The following LMNTD2 variants were observed in gnomAD, a reference collection of about 807,000 sequenced individuals.
LMNTD2 encodes the protein lamin tail domain containing 2, also known as lamin tail domain-containing protein 2.
Under a neutral mutation model 70.1 loss-of-function variants are expected in LMNTD2, and 83 were observed. The ratio of observed to expected loss-of-function variants is 1.18; its 90% CI spans 0.99 to 1.42. LMNTD2 has a LOEUF of 1.42. LMNTD2 is among the 40% of genes most tolerant of loss of function. The pLI, the probability that LMNTD2 is intolerant of heterozygous loss-of-function variation, is 0.00. For missense variants in LMNTD2, 1,153 were observed against 905.9 expected, an observed-to-expected ratio of 1.27 and a Z score of -3.50; for synonymous variants, 534 against 406.1, an observed-to-expected ratio of 1.31 and a Z score of -3.79.
At chr11:558,346 G>T in intron 3 of LMNTD2, 98 bp from the exon 4 acceptor site, 1 of 1,352,988 alleles carries the variant, frequency 7.4e-7, no homozygotes, top group Non-Finnish European at 1.0e-6. Context: ...GGGCTCCACT[G>T]CCACCTTGGC....
In LMNTD2 at chr11:559,727, A is replaced by G. The variant is rs1370706207; in HGVS notation, c.35-748T>C. 7.1e-6 allele frequency: 8 copies of G among 1,120,070 alleles called. No homozygotes were observed. In the South Asian group the frequency reaches 1.5e-4, roughly 21 times the overall value. 69.4% of individuals were successfully genotyped at this position (1,120,070 alleles called of 1,614,324 possible). A position where few individuals can be genotyped will look rare whatever the true frequency, so the allele number is the denominator to read the frequency against. On this transcript the variant is annotated intron_variant, in intron 1 of 13. Coordinates refer to ENST00000329451, the MANE Select transcript of LMNTD2 (RefSeq NM_173573.3). ...GGACTGTGCTGAACGCTAACTGGCAATAGTACACTCCTGCCCACAGCCTGT... is the reference window on the plus strand; with the variant it reads ...GGACTGTGCTGAACGCTAACTGGCAGTAGTACACTCCTGCCCACAGCCTGT...
rs1378957974 is a variant in LMNTD2 at position 555,837 on chromosome 11, G to A, written c.1471C>T (p.Pro491Ser). ...TDLSIDRFPL[P>S]EAGPGADTRK... is the part of the protein sequence containing the mutation. ...GTGTCGGCGCCGGGCCCGGCCTCAG[G>A]GAGCGGGAAGCGGTCGATGGACAAG... The change falls in exon 12 of 14, where the codon CCT (proline) becomes TCT (serine). Residue 491 changes from proline (P) to serine (S), a missense_variant. Coordinates refer to ENST00000329451, the MANE Select transcript of LMNTD2 (RefSeq NM_173573.3). 1.3e-6 allele frequency: 2 copies of A among 1,550,004 alleles called. No homozygotes were observed. Among genetic ancestry groups the A allele is most frequent in the Non-Finnish European group, 1.7e-6 (2 of 1,156,038 alleles).
At chr11:558,135 G>T (rs1853019691) in intron 4 of LMNTD2, 26 bp downstream of exon 4, 1 of 1,611,832 alleles carries the variant, frequency 6.2e-7, no homozygotes, top group African/African-American at 1.3e-5. Context: ...CCAGGACCCT[G>T]CCCACTCCCT....
Position 557,409 on chromosome 11 carries a change from A to T in LMNTD2, c.703T>A (p.Ser235Thr). 1 of 1,604,266 alleles carries T rather than the reference A, an allele frequency of 6.2e-7. No individual in the cohort carries two copies. The highest frequency in any genetic ancestry group is 8.5e-7 in the Non-Finnish European group (1 of 1,175,172). ...PNLFTNMEPS[S>T]KQKQPRPWPQ... Reference sequence around the variant, plus strand: ...GCTCTGTGCAGTTACTTTTGCTTTGAGCTGGGCTCCATGTTGGTGAAGAGG... The same window carrying T: ...GCTCTGTGCAGTTACTTTTGCTTTGTGCTGGGCTCCATGTTGGTGAAGAGG... Residue 235 changes from serine to threonine, a missense_variant, in exon 7 of 14, where the codon TCA (serine) becomes ACA (threonine). Ser to Thr is a moderately conservative substitution (Grantham distance 58, BLOSUM62 1). Coordinates refer to ENST00000329451, the MANE Select transcript of LMNTD2 (RefSeq NM_173573.3).
In LMNTD2 at chr11:556,994, G is replaced by T. The variant is rs1403408403; in HGVS notation, c.817C>A (p.Leu273Met). 9.9e-6 allele frequency: 16 copies of T among 1,608,264 alleles called. No homozygotes were observed. The highest frequency in any genetic ancestry group is 5.0e-5 in the Admixed American group (3 of 59,702). The change falls in exon 8 of 14, where the codon CTG becomes ATG. Residue 273 changes from leucine to methionine, a missense_variant. Physicochemically the swap from Leu to Met is conservative, Grantham distance 15. Transcript: ENST00000329451. ...KTVEWGSLPC[L>M]NTSSSGGADS... ...GCGCCCCCTGAGCTGCTGGTGTTCA[G>T]ACAGGGCAGGGAGCCCCACTCCACG...
rs1052142034 is a variant in LMNTD2, at chr11:557,747, T to C, written c.556-107A>G. ...TTGAGGCCTCCTGATTCCTCCCTGC[T>C]GGAGCCCAGAGTTCCAGAGGCACCT... On this transcript the variant is annotated intron_variant, in intron 5 of 13. Transcript: ENST00000329451. 8 of 1,576,158 alleles carry C rather than the reference T, an allele frequency of 5.1e-6. No homozygotes were observed. The African/African-American group carries it at 1.1e-4, about 21-fold the overall frequency.
Position 555,413 on chromosome 11 carries a change from C to G in LMNTD2, c.1665G>C (p.Ala555=). Residue 555 remains alanine, a synonymous_variant, in exon 13 of 14, where the codon GCG becomes GCC. Transcript: ENST00000329451. ...CCGGGATGGCGGGCAGGTGCTGCGGCGCGGGGATCTCGGGGTTCTCGGGCC... is the reference window on the plus strand; with the variant it reads ...CCGGGATGGCGGGCAGGTGCTGCGGGGCGGGGATCTCGGGGTTCTCGGGCC... ...PARPENPEIP[A]PQHLPAIPGD... is the part of the protein sequence containing the mutation. The G allele has an allele frequency of 7.2e-7, 1 of 1,391,186 alleles. No individual in the cohort carries two copies. The allele number at this position is 1,391,186 out of a possible 1,614,324, so 86.2% of individuals were successfully genotyped here. A position where few individuals can be genotyped will look rare whatever the true frequency, so the allele number is the denominator to read the frequency against.
At position 560,645 on chromosome 11, in the gene LMNTD2, C is replaced by A. The variant is rs769269053; in HGVS notation, c.34+38G>T. ...GGGAACCCGCCACACTAGAAGGCTG[C>A]TGAGGAAGTCGGCCCAGGAGCGGGG... On this transcript the variant is annotated intron_variant, in intron 1 of 13. Transcript: ENST00000329451. The A allele has an allele frequency of 3.6e-6, 5 of 1,379,452 alleles. No individual in the cohort carries two copies. The East Asian group carries it at 1.6e-4, about 43-fold the overall frequency. The allele number at this position is 1,379,452 out of a possible 1,614,324, so 85.5% of individuals were successfully genotyped here.
intron 7 of LMNTD2, 109 bp downstream of exon 7, chr11:557,290 A>G: frequency 7.0e-7 from 1 of 1,418,706 alleles, no homozygotes; most frequent in Non-Finnish European, 9.6e-7. Flanking sequence ...TGGAAGGTTT[A>G]AGAGACTTAT....
intron 1 of LMNTD2, chr11:559,737 C>T: frequency 9.3e-7 from 1 of 1,076,212 alleles, no homozygotes; most frequent in Non-Finnish European, 1.1e-6. Flanking sequence ...ATAGTACACT[C>T]CTGCCCACAG....
Position 555,564 on chromosome 11 carries a change from C to T in LMNTD2, c.1575-61G>A, listed in dbSNP as rs1002404372. On this transcript the variant is annotated intron_variant, in intron 12 of 13. Coordinates refer to ENST00000329451, the MANE Select transcript of LMNTD2 (RefSeq NM_173573.3). ...CCGGGAAAGGCGGCCCTAGAGGGCT[C>T]CGCGCCTGGGGCGGGGCAGGGGCCG... 6.3e-5 allele frequency: 83 copies of T among 1,310,686 alleles called. 1 individual carries two copies. The highest frequency in any genetic ancestry group is 7.8e-5 in the Non-Finnish European group (80 of 1,027,192). 81.2% of individuals were successfully genotyped at this position (1,310,686 alleles called of 1,614,324 possible).
At chr11:556,751 C>T (rs1202135345) in intron 8 of LMNTD2, 84 bp downstream of exon 8, 2 of 1,453,268 alleles carry the variant, frequency 1.4e-6, no homozygotes, top group African/African-American at 1.4e-5. Flanking sequence ...TGGAGGGCCA[C>T]CTCCAGGGCT....
At chr11:559,534 C>T in intron 1 of LMNTD2, 1 of 1,237,922 alleles carries the variant, frequency 8.1e-7, no homozygotes, top group Non-Finnish European at 1.0e-6. Context: ...CACTGCTCAG[C>T]TTAGCGGGGG....
At chr11:555,575 G>GA in intron 12 of LMNTD2, 72 bp from the exon 13 acceptor site, 2 of 1,298,796 alleles carry the variant, frequency 1.5e-6, no homozygotes, top group Admixed American at 8.3e-5. Flanking sequence ...CGCGCCTGGG[G>GA]CGGGGCAGGG....
rs1302210998 is a variant in LMNTD2, at chr11:557,598, C to T, written c.598G>A (p.Glu200Lys). The change falls in exon 6 of 14, where the codon GAA (glutamate) becomes AAA (lysine). Residue 200 changes from glutamate (E) to lysine (K), a missense_variant. Physicochemically the swap from Glu to Lys is moderately conservative, Grantham distance 56. Transcript: ENST00000329451. ...TCCCCGGTGGGGGCCTGAATGTTTT[C>T]AGAGAGGTCGCTTGGGTCCATCAGA... Reference protein sequence around the residue: ...ETLMDPSDLSENIQAPTGEGF... With the variant: ...ETLMDPSDLSKNIQAPTGEGF... The T allele has an allele frequency of 5.0e-6, 8 of 1,613,204 alleles. No homozygotes were observed. The highest frequency in any genetic ancestry group is 1.7e-5 in the Admixed American group (1 of 59,996).
chr11:556,171 G>C (rs1031851837), intron 10 of LMNTD2, 21 bp downstream of exon 10: 21 of 1,328,378 alleles, frequency 1.6e-5, no homozygotes, highest in Non-Finnish European at 1.8e-5. Flanking sequence ...GTCGGGGCCG[G>C]GCTCCCGGGC....
chr11:557,540 A>T, intron 6 of LMNTD2, 32 bp downstream of exon 6: 1 of 1,613,328 alleles, frequency 6.2e-7, no homozygotes, highest in South Asian at 1.1e-5. Context: ...GGCTCCAGAT[A>T]CCAGACCACA....
chr11:555,158 G>GGAGGGGAGGGGAGCGGCGAGGA, intron 13 of LMNTD2, 47 bp from the exon 14 acceptor site: 1 of 262,404 alleles, frequency 3.8e-6, no homozygotes, highest in South Asian at 1.0e-4. Context: ...GGCGGGGACG[G>GGAGGGGAGGGGAGCGGCGAGGA]GAGGGGAGGG....
In LMNTD2 at chr11:556,066, G is replaced by A. The variant is rs774440626; in HGVS notation, c.1307C>T (p.Ser436Leu). Reference protein sequence around the residue: ...RSAKKPLRASSSREPVPLLSI... With the variant: ...RSAKKPLRASLSREPVPLLSI... ...GAGGAGGGGAACGGGCTCCCGGCTCGAGGACGCGCGCAGCGGCTTCTTGGC... is the reference window on the plus strand; with the variant it reads ...GAGGAGGGGAACGGGCTCCCGGCTCAAGGACGCGCGCAGCGGCTTCTTGGC... The change falls in exon 11 of 14, where the codon TCG becomes TTG. Residue 436 changes from serine to leucine, a missense_variant. Ser to Leu is a moderately radical substitution (Grantham distance 145). Transcript: ENST00000329451. The A allele has an allele frequency of 7.1e-6, 11 of 1,546,076 alleles. No individual in the cohort carries two copies. In the East Asian group the frequency reaches 2.9e-4, roughly 41 times the overall value.
Sources: allele counts gnomAD v4.1 joint callset, GRCh38; gene constraint gnomAD v4.1.1; transcripts MANE v1.5; gene names NCBI Gene and HGNC (gene_info 2026-07-23, HGNC 2026-07-21).